Variants in TREH observed in about 807,000 individuals in gnomAD.
The protein encoded by TREH is alpha,alpha-trehalose glucohydrolase.
In TREH, 69 loss-of-function variants were observed where a neutral mutation model predicts 80.5. The ratio of observed to expected loss-of-function variants is 0.86; its 90% CI spans 0.71 to 1.05. The LOEUF is 1.05. Among genes scored for constraint, TREH ranks in the 50% least tolerant of loss-of-function variants. TREH has a pLI of 0.00. For missense variants in TREH, 716 were observed against 718.8 expected, an observed-to-expected ratio of 1.00 and a Z score of 0.04; for synonymous variants, 309 against 293.5, an observed-to-expected ratio of 1.05 and a Z score of -0.54.
rs1185950350 is a variant in TREH, at chr11:118,660,051, C to G, written c.1103-87G>C. The G allele has an allele frequency of 4.8e-6, 6 of 1,260,730 alleles. No individual in the cohort carries two copies. The Admixed American group carries it at 1.3e-4, about 28-fold the overall frequency. The allele number at this position is 1,260,730 out of a possible 1,614,324, so 78.1% of individuals were successfully genotyped here. ...TCGTGGTTCTACTTTAGCCTCCCCG[C>G]TTTGTGTTTCTCTGCAAAGGCTGAG... is the stretch of plus-strand genomic sequence containing the variant. On this transcript the variant is annotated intron_variant, in intron 10 of 14. Transcript: ENST00000264029.
chr11:118,679,434 A>G (rs1270076906), intron 1 of TREH, 105 bp downstream of exon 1: 3 of 1,306,820 alleles, frequency 2.3e-6, no homozygotes, highest in African/African-American at 3.0e-5. Context: ...TCCTTCCTTT[A>G]TAATCTCTTC....
At chr11:118,670,004 T>TA (rs1156615434) in intron 1 of TREH, among the ~76,000 whole-genome samples, 3 of 150,130 alleles carry the variant, frequency 2.0e-5, no homozygotes, top group Non-Finnish European at 3.0e-5. Flanking sequence ...CTCCAAAAAT[T>TA]AAAAAAAAAG....
At chr11:118,673,300 A>T (rs782056529) in intron 1 of TREH, among the ~76,000 whole-genome samples, 3 of 152,222 alleles carry the variant, frequency 2.0e-5, no homozygotes, top group Non-Finnish European at 4.4e-5. Context: ...ACCACTGGCC[A>T]TGCAAAGCCC....
chr11:118,666,650 C>CT (rs1483062284), intron 1 of TREH, among the ~76,000 whole-genome samples: 1 of 152,188 alleles, frequency 6.6e-6, no homozygotes, highest in South Asian at 2.1e-4. Context: ...AGGAACTACT[C>CT]TTTTTGGGGC....
Position 118,659,028 on chromosome 11 carries a change from T to C in TREH, c.1433-11A>G, listed in dbSNP as rs1488659502. ...GTGCCTTGGCCAGGCCTAGACCCCA[T>C]TGCAGGCAGGACTCAACCTCCAGGT... On this transcript the variant is annotated splice_polypyrimidine_tract_variant and intron_variant, in intron 12 of 14. Coordinates refer to ENST00000264029, the MANE Select transcript of TREH (RefSeq NM_007180.3). 1.2e-6 allele frequency: 2 copies of C among 1,612,806 alleles called. No individual in the cohort carries two copies. The highest frequency in any genetic ancestry group is 1.3e-5 in the African/African-American group (1 of 74,892).
intron 1 of TREH, 123 bp from the exon 2 acceptor site, chr11:118,663,562 T>TGTGC: frequency 4.0e-6 from 3 of 746,290 alleles, no homozygotes; most frequent in Non-Finnish European, 4.5e-6. Flanking sequence ...AAGGGCTGTG[T>TGTGC]GTGCGTGCGT....
rs782536290 is a variant in TREH at position 118,658,979 on chromosome 11, C to T, written c.1471G>A (p.Ala491Thr). 4.3e-6 allele frequency: 7 copies of T among 1,613,914 alleles called. No individual in the cohort carries two copies. Among genetic ancestry groups the T allele is most frequent in the Non-Finnish European group, 5.9e-6 (7 of 1,179,876 alleles). The change falls in exon 13 of 15, where the codon GCT (alanine) becomes ACT (threonine). Residue 491 changes from alanine (A) to threonine (T), a missense_variant. Ala to Thr is a moderately conservative substitution (Grantham distance 58). Coordinates refer to ENST00000264029, the MANE Select transcript of TREH (RefSeq NM_007180.3). Reference sequence around the variant, plus strand: ...ATCCAATTCTGAGCCAGCTGGAAAGCCACTTCCTGGGCCCGACGTAAAGGT... The same window carrying T: ...ATCCAATTCTGAGCCAGCTGGAAAGTCACTTCCTGGGCCCGACGTAAAGGT... The part of the protein sequence containing the change: ...KAPLRRAQEV[A>T]FQLAQNWIRT...
intron 1 of TREH, 125 bp downstream of exon 1, chr11:118,679,414 C>T: frequency 8.2e-7 from 1 of 1,217,638 alleles, no homozygotes; most frequent in Non-Finnish European, 1.1e-6. Context: ...TTCTTCTCTT[C>T]CCTACTCTTT....
In TREH at chr11:118,661,708, C is replaced by T. The variant is rs782271367; in HGVS notation, c.546G>A (p.Glu182=). The T allele has an allele frequency of 3.1e-6, 5 of 1,613,990 alleles. No individual in the cohort carries two copies. The highest frequency in any genetic ancestry group is 2.5e-6 in the Non-Finnish European group (3 of 1,179,892). ...FYYWDSYWVM[E]GLLLSEMAET... is the part of the protein sequence containing the mutation. ...CAGCCATCTCTGAGAGGAGCAGACC[C>T]TCCATGACCCAGTAGGAGTCCCTGG... Residue 182 remains glutamate, a synonymous_variant, in exon 6 of 15, where the codon GAG becomes GAA. Coordinates refer to ENST00000264029, the MANE Select transcript of TREH (RefSeq NM_007180.3). This position sits in a 1 kb window ranked among gnomAD's most constrained non-coding sequence, Gnocchi z 4.2.
intron 1 of TREH, among the ~76,000 whole-genome samples, chr11:118,665,414 C>A (rs782777217): frequency 6.6e-6 from 1 of 151,828 alleles, no homozygotes; most frequent in Non-Finnish European, 1.5e-5. Flanking sequence ...CCGAGGAGGG[C>A]GGATCACAAG....
chr11:118,670,670 A>G (rs1191752178), intron 1 of TREH, among the ~76,000 whole-genome samples: 4 of 152,216 alleles, frequency 2.6e-5, no homozygotes, highest in African/African-American at 9.6e-5. Flanking sequence ...TCCCATTGTC[A>G]TTAATAATTA....
At position 118,663,150 on chromosome 11, in the gene TREH, G is replaced by C; in HGVS notation, c.237C>G (p.His79Gln). ...CCTGCAGCTGCTCCCTGGGGATGCTGTGATTGTGGTCCCTGGACAGCTCAG... is the reference window on the plus strand; with the variant it reads ...CCTGCAGCTGCTCCCTGGGGATGCTCTGATTGTGGTCCCTGGACAGCTCAG... ...TFTELSRDHN[H>Q]SIPREQLQAF... is the part of the protein sequence containing the mutation. The change falls in exon 3 of 15, where the codon CAC becomes CAG. Residue 79 changes from histidine (H) to glutamine (Q), a missense_variant. Coordinates refer to ENST00000264029, the MANE Select transcript of TREH (RefSeq NM_007180.3). The C allele has an allele frequency of 6.2e-7, 1 of 1,613,754 alleles. No homozygotes were observed. The highest frequency in any genetic ancestry group is 8.5e-7 in the Non-Finnish European group (1 of 1,179,782).
chr11:118,673,436 G>A (rs1397422296), intron 1 of TREH, among the ~76,000 whole-genome samples: 6 of 152,174 alleles, frequency 3.9e-5, no homozygotes, highest in Admixed American at 3.9e-4. Context: ...GCCATGTGCG[G>A]TCTTTCTCTT....
Position 118,658,438 on chromosome 11 carries a change from C to T in TREH, c.1603G>A (p.Gly535Arg), listed in dbSNP as rs573517484. 5.0e-6 allele frequency: 8 copies of T among 1,610,976 alleles called. No individual in the cohort carries two copies. The East Asian group carries it at 1.6e-4, about 31-fold the overall frequency. ...GGGGEYEVQE[G>R]FGWTNGVVLM... is the part of the protein sequence containing the mutation. ...ACCACGCCATTCGTCCAGCCAAATC[C>T]CTCCTGGGAGAGGCAGGGCAGTGGG... The change falls in exon 15 of 15, where the codon GGA becomes AGA. Residue 535 changes from glycine to arginine, a missense_variant. Transcript: ENST00000264029.
chr11:118,659,552 C>T, intron 11 of TREH, 71 bp from the exon 12 acceptor site: 1 of 1,421,130 alleles, frequency 7.0e-7, no homozygotes, highest in Non-Finnish European at 9.4e-7. Flanking sequence ...ACGCTGGACC[C>T]CGCGGGAAGC....
In TREH at chr11:118,661,348, G is replaced by A; in HGVS notation, c.734+45C>T. The stretch of plus-strand genomic sequence containing the variant: ...CCATCCCCAGCCCTGAGAGGTCTGA[G>A]GGATGGGTGGGTCTGCAGAGCAGCA... On this transcript the variant is annotated intron_variant, in intron 7 of 14. Transcript: ENST00000264029. This position sits in a 1 kb window ranked among gnomAD's most constrained non-coding sequence, Gnocchi z 4.2. 6.2e-7 allele frequency: 1 copy of A among 1,613,932 alleles called. No individual in the cohort carries two copies.
Position 118,658,860 on chromosome 11 carries a change from C to A in TREH, c.1545+45G>T, listed in dbSNP as rs782106166. On this transcript the variant is annotated intron_variant, in intron 13 of 14. Transcript: ENST00000264029. The stretch of plus-strand genomic sequence containing the variant: ...AGCCCCTGCAGTGCTCAGGAGTGGC[C>A]ACTGGGACAGCCTGGGGGTGCAGGG... 8 of 1,610,124 alleles carry A rather than the reference C, an allele frequency of 5.0e-6. No homozygotes were observed. In the African/African-American group the frequency reaches 9.4e-5, roughly 19 times the overall value.
At chr11:118,665,562 C>A (rs1352054110) in intron 1 of TREH, among the ~76,000 whole-genome samples, 2 of 152,140 alleles carry the variant, frequency 1.3e-5, no homozygotes, top group African/African-American at 4.8e-5. Flanking sequence ...ATGGCGTGAA[C>A]CCGGGAGGCA....
rs371518031 is a variant in TREH, at chr11:118,668,833, G to A, written c.90-5394C>T. Among the ~76,000 whole-genome samples, 67 of 152,094 alleles carry A rather than the reference G, an allele frequency of 4.4e-4. No individual in the cohort carries two copies. In the East Asian group the frequency reaches 4.8e-3, roughly 11 times the overall value. On this transcript the variant is annotated intron_variant, in intron 1 of 14. Transcript: ENST00000264029. ...TGCATGCCTGTAGTCCCAGCTACTCGGGAGGCTGAGGCAGGAGAATTGCAT... is the reference window on the plus strand; with the variant it reads ...TGCATGCCTGTAGTCCCAGCTACTCAGGAGGCTGAGGCAGGAGAATTGCAT...
Sources: gnomAD v4.1 joint callset for allele counts (sites outside exome capture counted in the v4.1 genomes callset) on GRCh38, gnomAD v4.1.1 for gene constraint, Gnocchi (gnomAD v3.1) non-coding constraint, MANE v1.5 for transcripts, NCBI Gene and HGNC (gene_info 2026-07-23, HGNC 2026-07-21) for gene names.